Variants in GALNT17 observed in about 807,000 individuals in gnomAD.
GALNT17 encodes polypeptide N-acetylgalactosaminyltransferase 17.
In GALNT17, 29 loss-of-function variants were observed where a neutral mutation model predicts 63.7. That is an observed-to-expected ratio of 0.46 (90% CI 0.34 to 0.62). GALNT17 has a LOEUF of 0.62. Among genes scored for constraint, GALNT17 ranks in the 20% least tolerant of loss-of-function variants. The pLI is 0.01. For synonymous variants in GALNT17, 305 were observed against 318.3 expected (o/e 0.96, Z 0.45); for missense variants, 603 against 799.6 (o/e 0.75, Z 2.97).
chr7:71,173,285 G>A (rs1475707800), intron 1 of GALNT17, among the ~76,000 whole-genome samples: 2 of 152,198 alleles, frequency 1.3e-5, no homozygotes, highest in Non-Finnish European at 1.5e-5. Flanking sequence ...CTCCAGCCAT[G>A]TCAGTGTGAA....
chr7:71,544,135 T>TTC (rs1788941096), intron 5 of GALNT17, among the ~76,000 whole-genome samples: 1 of 137,904 alleles, frequency 7.3e-6, no homozygotes, highest in African/African-American at 2.7e-5. Context: ...TTTTTTTTTT[T>TTC]TTTTTTTTTT....
At chr7:71,494,165 G>A (rs964402127) in intron 5 of GALNT17, among the ~76,000 whole-genome samples, 7 of 152,210 alleles carry the variant, frequency 4.6e-5, no homozygotes, top group Non-Finnish European at 1.0e-4. Flanking sequence ...ATGGTGGGAG[G>A]AGAGACAGTA....
intron 1 of GALNT17, among the ~76,000 whole-genome samples, chr7:71,160,806 T>C (rs1309763083): frequency 6.6e-6 from 1 of 152,176 alleles, no homozygotes; most frequent in Non-Finnish European, 1.5e-5. Context: ...GTGGAACTTT[T>C]AGGCCAAAAG....
At chr7:71,449,144 G>A (rs567989422) in intron 5 of GALNT17, among the ~76,000 whole-genome samples, 142 of 96,158 alleles carry the variant, frequency 1.5e-3, no homozygotes, top group African/African-American at 5.7e-3. Flanking sequence ...GCAGAGTCTC[G>A]CTCTGTCTCC....
chr7:71,463,895 C>G (rs571012118), intron 5 of GALNT17, among the ~76,000 whole-genome samples: 1 of 152,266 alleles, frequency 6.6e-6, no homozygotes, highest in African/African-American at 2.4e-5. Context: ...TTACTGCAAC[C>G]CGTTTTATCA....
At chr7:71,194,843 G>A (rs570478659) in intron 1 of GALNT17, among the ~76,000 whole-genome samples, 148 of 152,330 alleles carry the variant, frequency 9.7e-4, no homozygotes, top group African/African-American at 3.4e-3. Flanking sequence ...TCACGGTGCT[G>A]TCTCAGATTT....
At chr7:71,278,663 C>T (rs1409231082) in intron 1 of GALNT17, among the ~76,000 whole-genome samples, 1 of 152,178 alleles carries the variant, frequency 6.6e-6, no homozygotes, top group Non-Finnish European at 1.5e-5. Flanking sequence ...CAAACACATC[C>T]TTCTTCACGT....
intron 9 of GALNT17, 101 bp from the exon 10 acceptor site, chr7:71,710,660 C>T: frequency 7.3e-7 from 1 of 1,366,656 alleles, no homozygotes. Context: ...GCAGTATTGA[C>T]AAACAGCAGG....
intron 6 of GALNT17, among the ~76,000 whole-genome samples, chr7:71,617,309 G>GC (rs1363761908): frequency 5.0e-5 from 7 of 139,666 alleles, no homozygotes; most frequent in South Asian, 4.6e-4. Flanking sequence ...TTTTGCAGGG[G>GC]CGGGGGGGGT....
rs192916236 is a variant in GALNT17 at position 71,495,807 on chromosome 7, G to A, written c.962+74702G>A. Among the ~76,000 whole-genome samples the A allele has an allele frequency of 4.6e-5, 7 of 152,246 alleles. No homozygotes were observed. In the East Asian group the frequency reaches 1.2e-3, roughly 25 times the overall value. ...TCCCTTCCTGTCTCCAATTGTATAG[G>A]GAATTGCAGGGTAGGGAAGAGAGGA... On this transcript the variant is annotated intron_variant, in intron 5 of 10. Transcript: ENST00000333538.
chr7:71,145,019 T>A (rs139662027), intron 1 of GALNT17, among the ~76,000 whole-genome samples: 1 of 152,064 alleles, frequency 6.6e-6, no homozygotes, highest in Non-Finnish European at 1.5e-5. Context: ...TGAGCCACTG[T>A]GCCCATCTTG....
chr7:71,210,788 C>T (rs1440948397), intron 1 of GALNT17, among the ~76,000 whole-genome samples: 1 of 152,096 alleles, frequency 6.6e-6, no homozygotes, highest in Non-Finnish European at 1.5e-5. Context: ...GCAGAAAGAG[C>T]GTTTGCTTAG....
chr7:71,523,219 A>G (rs1200595380), intron 5 of GALNT17, among the ~76,000 whole-genome samples: 2 of 152,188 alleles, frequency 1.3e-5, no homozygotes, highest in Non-Finnish European at 2.9e-5. Flanking sequence ...GAGGCCAAGA[A>G]TTTGAGACCA....
chr7:71,202,732 T>C (rs377679080), intron 1 of GALNT17, among the ~76,000 whole-genome samples: 2 of 152,214 alleles, frequency 1.3e-5, no homozygotes, highest in South Asian at 4.1e-4. Context: ...TTCCAAAACT[T>C]ATCCCTCCCG....
intron 6 of GALNT17, among the ~76,000 whole-genome samples, chr7:71,586,124 C>T (rs935205962): frequency 2.0e-5 from 3 of 151,650 alleles, no homozygotes; most frequent in Non-Finnish European, 4.4e-5. Context: ...CCAGGCTAGT[C>T]GCGAACTCCT....
intron 1 of GALNT17, among the ~76,000 whole-genome samples, chr7:71,207,310 C>T (rs899489513): frequency 2.0e-5 from 3 of 152,116 alleles, no homozygotes; most frequent in Non-Finnish European, 2.9e-5. Flanking sequence ...CATGTCCCTT[C>T]GTTGTCCTAC....
intron 2 of GALNT17, among the ~76,000 whole-genome samples, chr7:71,347,792 A>G (rs1792121820): frequency 6.6e-6 from 1 of 152,102 alleles, no homozygotes; most frequent in Non-Finnish European, 1.5e-5. Context: ...TTCAGCCCTC[A>G]CTAGGGATGT....
rs1474954834 is a variant in GALNT17 at position 71,132,802 on chromosome 7, G to A, written c.-1G>A. 2 of 1,598,062 alleles carry A rather than the reference G, an allele frequency of 1.3e-6. No individual in the cohort carries two copies. ...GGGGCGAGGGCCGGCCGGGCTGTTT[G>A]ATGGCTTCACTGAGAAGAGTCAAAG... On this transcript the variant is annotated 5_prime_UTR_variant, in exon 1 of 11. Coordinates refer to ENST00000333538, the MANE Select transcript of GALNT17 (RefSeq NM_022479.3).
chr7:71,605,832 G>A (rs1018802615), intron 6 of GALNT17, among the ~76,000 whole-genome samples: 1 of 152,116 alleles, frequency 6.6e-6, no homozygotes, highest in Non-Finnish European at 1.5e-5. Flanking sequence ...GCCCTAACCC[G>A]AATCTACATC....
Sources: allele counts gnomAD v4.1 joint callset (sites outside exome capture counted in the v4.1 genomes callset), GRCh38; gene constraint gnomAD v4.1.1; transcripts MANE v1.5; gene names NCBI Gene and HGNC (gene_info 2026-07-23, HGNC 2026-07-21).